RALGPS2: variants seen among roughly 807,000 people sequenced by gnomAD.
RALGPS2 encodes Ral GEF with PH domain and SH3 binding motif 2.
RALGPS2 carries 43 observed loss-of-function variants against 86.8 expected under a neutral mutation model. That is an observed-to-expected ratio of 0.50 (90% confidence interval 0.39 to 0.64). The LOEUF (loss-of-function observed/expected upper bound fraction) is 0.64, where lower values mean the gene tolerates loss of function less well. Among genes scored for constraint, RALGPS2 ranks in the 30% least tolerant of loss-of-function variants. The probability of loss-of-function intolerance (pLI) is 0.00; values close to 1 mark genes in which losing one functional copy is unlikely to be tolerated. For synonymous variants in RALGPS2, 243 were observed against 231.3 expected (o/e 1.05, Z -0.46); for missense variants, 536 against 694.6 (o/e 0.77, Z 2.57).
chr1:178,853,002 T>C (rs1390111260), intron 8 of RALGPS2: 3 of 1,546,410 alleles, frequency 1.9e-6, no homozygotes, highest in East Asian at 2.3e-5. Context: ...ATAGAGATAG[T>C]AAACATTTTT....
chr1:178,773,795 C>CA (rs35536351), intron 1 of RALGPS2, among the ~76,000 whole-genome samples: 5,535 of 108,564 alleles, frequency 0.051, 124 homozygotes, highest in Middle Eastern at 0.1. Context: ...GACTCCGTCT[C>CA]AAAAAAAAAA....
chr1:178,862,136 G>T (rs571736434), intron 8 of RALGPS2, among the ~76,000 whole-genome samples: 1 of 152,098 alleles, frequency 6.6e-6, no homozygotes, highest in Non-Finnish European at 1.5e-5. Context: ...GCCTCCGAAA[G>T]TGTTGAGATT....
Position 178,906,857 on chromosome 1 carries a change from A to G in RALGPS2, c.1712A>G (p.Asn571Ser). Residue 571 changes from asparagine to serine, a missense_variant, in exon 19 of 20, where the codon AAC becomes AGC. By Grantham distance (46) the Asn-to-Ser change is conservative. Transcript: ENST00000367635. The stretch of plus-strand genomic sequence containing the variant: ...CATTTGAGTGCAGCCTGCCAAAGTA[A>G]CAAACAACAGGTAAGCATTTCTCCT... Reference protein sequence around the residue: ...FKHLSAACQSNKQQVPTNLMT... With the variant: ...FKHLSAACQSSKQQVPTNLMT... 1 of 1,613,196 alleles carries G rather than the reference A, an allele frequency of 6.2e-7. No homozygotes were observed.
chr1:178,774,610 A>G (rs1286577755), intron 1 of RALGPS2, among the ~76,000 whole-genome samples: 1 of 152,248 alleles, frequency 6.6e-6, no homozygotes, highest in African/African-American at 2.4e-5. Context: ...ATAGCAGTAT[A>G]AATATAAGTT....
chr1:178,820,000 G>C (rs1655420594), intron 6 of RALGPS2, among the ~76,000 whole-genome samples: 1 of 152,150 alleles, frequency 6.6e-6, no homozygotes, highest in Non-Finnish European at 1.5e-5. Context: ...ATTTTAGAAA[G>C]GTGGTATAGT....
In RALGPS2 at chr1:178,808,145, T is replaced by G; in HGVS notation, c.297+17T>G. On this transcript the variant is annotated intron_variant, in intron 5 of 19. Transcript: ENST00000367635. ...TTCAATCATGTGAGTTTATAAATTT[T>G]GATACTGTGTCTGAAATTCAGTTCC... The G allele has an allele frequency of 6.6e-7, 1 of 1,516,110 alleles. No homozygotes were observed. Among genetic ancestry groups the G allele is most frequent in the East Asian group, 2.3e-5 (1 of 44,212 alleles). The allele number at this position is 1,516,110 out of a possible 1,614,324, so 93.9% of individuals were successfully genotyped here.
At position 178,747,605 on chromosome 1, in the gene RALGPS2, C is replaced by T. The variant is rs755129131; in HGVS notation, c.-84+22186C>T. On this transcript the variant is annotated intron_variant, in intron 1 of 19. Transcript: ENST00000367635. ...TGGACCCTGTGTTAAGATGTAACTC[C>T]TTTGTCCTCTTCTATGTCAACTAAG... 8.1e-5 allele frequency: 129 copies of T among 1,587,588 alleles called. 6 individuals carry two copies. The South Asian group carries it at 1.4e-3, about 17-fold the overall frequency.
chr1:178,753,624 C>T (rs961659220), intron 1 of RALGPS2: 1 of 151,992 alleles, frequency 6.6e-6, no homozygotes, highest in Non-Finnish European at 1.5e-5. Flanking sequence ...TATGTTGTAG[C>T]GTAATGTTCA....
chr1:178,865,939 C>T, intron 8 of RALGPS2: 1 of 529,492 alleles, frequency 1.9e-6, no homozygotes, highest in Non-Finnish European at 3.2e-6. Context: ...CTAGAATTAA[C>T]TTTATTAATT....
chr1:178,744,142 TA>T (rs1651181047), intron 1 of RALGPS2, among the ~76,000 whole-genome samples: 3 of 152,194 alleles, frequency 2.0e-5, no homozygotes, highest in South Asian at 2.1e-4. Context: ...AACAGTTTAT[TA>T]AAAAATACAT....
At chr1:178,840,480 T>A (rs554638396) in intron 8 of RALGPS2, among the ~76,000 whole-genome samples, 5 of 152,214 alleles carry the variant, frequency 3.3e-5, no homozygotes, top group East Asian at 3.9e-4. Context: ...CATACCAGAA[T>A]CTCTGGGACA....
At chr1:178,909,643 A>ATTTTTTTTTTTTTTTTTTTTTTTTTT (rs57890269) in intron 19 of RALGPS2, among the ~76,000 whole-genome samples, 1 of 72,384 alleles carries the variant, frequency 1.4e-5, no homozygotes, top group African/African-American at 5.9e-5. Context: ...TTCTTTTTTA[A>ATTTTTTTTTTTTTTTTTTTTTTTTTT]TTTTTTTTTT....
In RALGPS2 at chr1:178,916,731, A is replaced by G. The variant is rs1660829842; in HGVS notation, c.*372A>G. 1 of 195,972 alleles carries G rather than the reference A, an allele frequency of 5.1e-6. No individual in the cohort carries two copies. Among genetic ancestry groups the G allele is most frequent in the East Asian group, 1.2e-4 (1 of 8,348 alleles). The allele number at this position is 195,972 out of a possible 1,614,324, so 12.1% of individuals were successfully genotyped here. A position where few individuals can be genotyped will look rare whatever the true frequency, so the allele number is the denominator to read the frequency against. On this transcript the variant is annotated 3_prime_UTR_variant, in exon 20 of 20. Coordinates refer to ENST00000367635, the MANE Select transcript of RALGPS2 (RefSeq NM_152663.5). ...TTGCATTTCTTTTAACTTTGTAATA[A>G]TTTTAGAGGGGGGAATTGCCTTTTT...
intron 4 of RALGPS2, among the ~76,000 whole-genome samples, chr1:178,803,639 A>T (rs1654592122): frequency 6.6e-6 from 1 of 152,156 alleles, no homozygotes; most frequent in Non-Finnish European, 1.5e-5. Context: ...TCATATAGCT[A>T]GGCTAATTGA....
intron 1 of RALGPS2, among the ~76,000 whole-genome samples, chr1:178,768,201 A>AG (rs1026061594): frequency 6.6e-6 from 1 of 152,076 alleles, no homozygotes; most frequent in African/African-American, 2.4e-5. Flanking sequence ...CATTTTGGTT[A>AG]GGGACCATTG....
intron 13 of RALGPS2, 87 bp downstream of exon 13, chr1:178,886,207 C>T: frequency 1.5e-6 from 2 of 1,373,808 alleles, no homozygotes; most frequent in Non-Finnish European, 2.0e-6. Flanking sequence ...CCCACCCACA[C>T]ACAGAGAAAA....
intron 1 of RALGPS2, among the ~76,000 whole-genome samples, chr1:178,726,528 T>TA (rs1650016736): frequency 6.6e-6 from 1 of 150,376 alleles, no homozygotes; most frequent in African/African-American, 2.5e-5. Context: ...GCAATTGAAA[T>TA]ACTAAATTTC....
At chr1:178,783,109 G>A (rs755183757) in intron 2 of RALGPS2, among the ~76,000 whole-genome samples, 8 of 152,120 alleles carry the variant, frequency 5.3e-5, no homozygotes, top group East Asian at 1.9e-4. Flanking sequence ...GAAAAAAAGC[G>A]TACAGCATGC....
intron 4 of RALGPS2, among the ~76,000 whole-genome samples, chr1:178,787,348 A>G (rs1653704882): frequency 6.6e-6 from 1 of 152,178 alleles, no homozygotes; most frequent in Non-Finnish European, 1.5e-5. Context: ...TGGTAGCCAC[A>G]TTATAAGGTA....
Sources: allele counts gnomAD v4.1 joint callset (sites outside exome capture counted in the v4.1 genomes callset), GRCh38; gene constraint gnomAD v4.1.1; transcripts MANE v1.5; gene names NCBI Gene and HGNC (gene_info 2026-07-23, HGNC 2026-07-21).